ROBO2: variants seen among roughly 807,000 people sequenced by gnomAD.
ROBO2 encodes roundabout homolog 2.
In ROBO2, 53 loss-of-function variants were observed where a neutral mutation model predicts 160.8. That is an observed-to-expected ratio of 0.33 (90% CI 0.26 to 0.41). The LOEUF (loss-of-function observed/expected upper bound fraction) is 0.41. ROBO2 is among the 10% of genes least tolerant of loss of function. ROBO2 has a pLI of 1.00. For synonymous variants in ROBO2, 664 were observed against 611.7 expected, an observed-to-expected ratio of 1.09 and a Z score of -1.26; for missense variants, 1,577 against 1,722.4, an observed-to-expected ratio of 0.92 and a Z score of 1.49.
At chr3:76,045,171 T>C (rs773100967) in intron 2 of ROBO2, among the ~76,000 whole-genome samples, 6 of 152,030 alleles carry the variant, frequency 3.9e-5, no homozygotes, top group Non-Finnish European at 7.4e-5. Flanking sequence ...GACTATATAG[T>C]GCCCCCGTGT....
intron 2 of ROBO2, among the ~76,000 whole-genome samples, chr3:76,280,721 G>C (rs1038216539): frequency 2.6e-5 from 4 of 151,792 alleles, no homozygotes; most frequent in African/African-American, 9.7e-5. Context: ...TCTTTCAGAA[G>C]ATCTAAAAGA....
At chr3:77,125,578 C>A (rs1181333633) in intron 2 of ROBO2, among the ~76,000 whole-genome samples, 3 of 152,098 alleles carry the variant, frequency 2.0e-5, no homozygotes, top group African/African-American at 4.8e-5. Context: ...GCTGACCAAG[C>A]TACACATCGG....
chr3:76,867,266 G>A (rs1222333461), intron 2 of ROBO2, among the ~76,000 whole-genome samples: 4 of 152,192 alleles, frequency 2.6e-5, no homozygotes, highest in South Asian at 4.1e-4. Flanking sequence ...TAAAGCATTC[G>A]TTTATTATTT....
chr3:77,348,279 T>G (rs750755031), intron 2 of ROBO2, among the ~76,000 whole-genome samples: 1 of 152,158 alleles, frequency 6.6e-6, no homozygotes, highest in South Asian at 2.1e-4. Flanking sequence ...GGTTATTTCT[T>G]GATTATATGC....
intron 1 of ROBO2, among the ~76,000 whole-genome samples, chr3:77,042,824 G>A (rs1053616429): frequency 6.6e-5 from 10 of 152,198 alleles, no homozygotes; most frequent in African/African-American, 9.6e-5. Context: ...TAACATTGTA[G>A]GATAAGGGGG....
chr3:76,858,529 C>T (rs1394748862), intron 2 of ROBO2, among the ~76,000 whole-genome samples: 1 of 152,154 alleles, frequency 6.6e-6, no homozygotes, highest in African/African-American at 2.4e-5. Flanking sequence ...TTCTTAAAGT[C>T]CTAGGATTAC....
At chr3:77,059,475 C>T (rs2066079793) in intron 1 of ROBO2, among the ~76,000 whole-genome samples, 1 of 152,114 alleles carries the variant, frequency 6.6e-6, no homozygotes, top group South Asian at 2.1e-4. Context: ...AGAGGGGAAT[C>T]TTTTATAAAG....
At chr3:76,492,742 C>T (rs905597952) in intron 2 of ROBO2, among the ~76,000 whole-genome samples, 2 of 152,018 alleles carry the variant, frequency 1.3e-5, no homozygotes, top group South Asian at 4.1e-4. Context: ...GGAGGATCCT[C>T]ATTCAACTAA....
chr3:76,143,606 C>G (rs1288764098), intron 2 of ROBO2, among the ~76,000 whole-genome samples: 1 of 151,948 alleles, frequency 6.6e-6, no homozygotes, highest in Non-Finnish European at 1.5e-5. Flanking sequence ...TTATGAAACC[C>G]CAAAGCCAAT....
intron 7 of ROBO2, among the ~76,000 whole-genome samples, chr3:77,550,118 CTAAAG>C (rs1363631116): frequency 2.0e-5 from 3 of 151,946 alleles, no homozygotes; most frequent in Non-Finnish European, 4.4e-5. Context: ...ATAGAGTAAA[CTAAAG>C]TAATTTTGTT....
intron 2 of ROBO2, among the ~76,000 whole-genome samples, chr3:77,186,669 G>A (rs2081313132): frequency 6.6e-6 from 1 of 151,908 alleles, no homozygotes. Context: ...AATCCTTGAA[G>A]GCTGATATTA....
Position 76,793,352 on chromosome 3 carries a change from C to T in ROBO2, c.110-304662C>T, listed in dbSNP as rs2063487338. Among the ~76,000 whole-genome samples the T allele has an allele frequency of 2.6e-5, 4 of 151,758 alleles. No homozygotes were observed. In the South Asian group the frequency reaches 8.3e-4, roughly 32 times the overall value. ...ATACAAAATGCCAAAACCCAAGATC[C>T]ACATTGCTAATAGGGGGAACCTGAA... On this transcript the variant is annotated intron_variant, in intron 2 of 26. Transcript: ENST00000487694.
At chr3:77,334,493 C>T (rs2066285648) in intron 2 of ROBO2, among the ~76,000 whole-genome samples, 1 of 152,158 alleles carries the variant, frequency 6.6e-6, no homozygotes, top group Non-Finnish European at 1.5e-5. Flanking sequence ...GTTCCAGGCC[C>T]AGGATAAGAT....
intron 2 of ROBO2, among the ~76,000 whole-genome samples, chr3:76,716,886 T>A (rs936641233): frequency 1.3e-5 from 2 of 152,226 alleles, no homozygotes; most frequent in African/African-American, 4.8e-5. Flanking sequence ...AACATCCTCC[T>A]GTTTAAGTCA....
intron 21 of ROBO2, among the ~76,000 whole-genome samples, chr3:77,612,278 G>A (rs2094660981): frequency 6.6e-6 from 1 of 152,170 alleles, no homozygotes; most frequent in Non-Finnish European, 1.5e-5. Context: ...TGTAAAATGT[G>A]AAGGAAACTA....
chr3:75,953,826 A>ATT (rs1285506118), intron 2 of ROBO2, among the ~76,000 whole-genome samples: 1 of 151,940 alleles, frequency 6.6e-6, no homozygotes, highest in Non-Finnish European at 1.5e-5. Flanking sequence ...ATAGACATCA[A>ATT]TTTCACAATA....
intron 2 of ROBO2, among the ~76,000 whole-genome samples, chr3:76,388,256 T>C (rs1057048266): frequency 3.3e-5 from 5 of 152,014 alleles, no homozygotes; most frequent in Non-Finnish European, 7.4e-5. Context: ...ATTTTAGTGA[T>C]TGTAAATTTA....
At chr3:77,471,276 C>T (rs932345580) in intron 2 of ROBO2, among the ~76,000 whole-genome samples, 8 of 152,088 alleles carry the variant, frequency 5.3e-5, no homozygotes, top group African/African-American at 1.9e-4. Flanking sequence ...TGATTTAAGA[C>T]AAAACAGAGA....
At chr3:76,203,482 C>T (rs931934642) in intron 2 of ROBO2, among the ~76,000 whole-genome samples, 4 of 147,974 alleles carry the variant, frequency 2.7e-5, no homozygotes, top group Admixed American at 6.8e-5. Flanking sequence ...CCCTGGTCAA[C>T]AGATCACAGG....
Sources: allele counts gnomAD v4.1 joint callset (sites outside exome capture counted in the v4.1 genomes callset), GRCh38; gene constraint gnomAD v4.1.1; transcripts MANE v1.5; gene names NCBI Gene and HGNC (gene_info 2026-07-23, HGNC 2026-07-21).